Variants in ITPR1 observed in about 807,000 individuals in gnomAD.
ITPR1 encodes the protein inositol 1,4,5-trisphosphate receptor type 1.
A neutral mutation model predicts 318.4 loss-of-function variants in ITPR1; 96 were observed. The ratio of observed to expected loss-of-function variants is 0.30; its 90% CI spans 0.26 to 0.36. The LOEUF (loss-of-function observed/expected upper bound fraction) is 0.36. Among genes scored for constraint, ITPR1 ranks in the 10% least tolerant of loss-of-function variants. The pLI is 1.00. For missense variants in ITPR1, 2,440 were observed against 3,460.2 expected, an observed-to-expected ratio of 0.71 and a Z score of 7.40; for synonymous variants, 1,312 against 1,289.9, an observed-to-expected ratio of 1.02 and a Z score of -0.37.
At chr3:4,763,586 G>T (rs775442668) in intron 44 of ITPR1, among the ~76,000 whole-genome samples, 31 of 152,096 alleles carry the variant, frequency 2.0e-4, no homozygotes, top group Non-Finnish European at 4.1e-4. Flanking sequence ...GTGCTTACTT[G>T]TGTCTTCTAG....
intron 4 of ITPR1, among the ~76,000 whole-genome samples, chr3:4,569,672 T>G (rs1286992923): frequency 2.6e-5 from 4 of 152,212 alleles, no homozygotes; most frequent in Non-Finnish European, 4.4e-5. Context: ...TCTGCAAGCA[T>G]AGGTAACACA....
At chr3:4,513,584 C>T (rs556235330) in intron 2 of ITPR1, among the ~76,000 whole-genome samples, 3 of 152,240 alleles carry the variant, frequency 2.0e-5, no homozygotes, top group African/African-American at 7.2e-5. Flanking sequence ...TCACTTATCT[C>T]GGCCACTTAA....
intron 44 of ITPR1, among the ~76,000 whole-genome samples, chr3:4,754,979 T>A (rs2044844126): frequency 6.6e-6 from 1 of 152,218 alleles, no homozygotes; most frequent in Admixed American, 6.5e-5. Context: ...TGGCATCTGT[T>A]TGACTATTGA....
intron 18 of ITPR1, among the ~76,000 whole-genome samples, chr3:4,669,145 C>T (rs930373867): frequency 3.9e-5 from 6 of 152,070 alleles, no homozygotes; most frequent in Non-Finnish European, 8.8e-5. Flanking sequence ...GAAGCACTTC[C>T]GTTAATTATC....
At chr3:4,643,300 T>A (rs2093379421) in intron 7 of ITPR1, among the ~76,000 whole-genome samples, 1 of 152,236 alleles carries the variant, frequency 6.6e-6, no homozygotes, top group Non-Finnish European at 1.5e-5. Context: ...AGATGGTTTT[T>A]CATGTTAGGA....
In ITPR1 at chr3:4,609,955, A is replaced by T. The variant is rs2091975559; in HGVS notation, c.164-17808A>T. On this transcript the variant is annotated intron_variant, in intron 4 of 61. Coordinates refer to ENST00000649015, the MANE Select transcript of ITPR1 (RefSeq NM_001378452.1). Reference sequence around the variant, plus strand: ...AAAAGGCACTGTTGCGGACTAAGGGATGCCCGGCCCAGATGAGCAAGGGAG... The same window carrying T: ...AAAAGGCACTGTTGCGGACTAAGGGTTGCCCGGCCCAGATGAGCAAGGGAG... Among the ~76,000 whole-genome samples, 3 of 152,144 alleles carry T rather than the reference A, an allele frequency of 2.0e-5. No individual in the cohort carries two copies. The South Asian group carries it at 6.2e-4, about 32-fold the overall frequency.
chr3:4,776,960 G>T (rs2046524374), intron 47 of ITPR1, among the ~76,000 whole-genome samples: 1 of 152,216 alleles, frequency 6.6e-6, no homozygotes, highest in Non-Finnish European at 1.5e-5. Context: ...CCCAGAATCA[G>T]TCATACACCA....
chr3:4,670,609 G>A, intron 19 of ITPR1, 120 bp from the exon 20 acceptor site: 1 of 734,328 alleles, frequency 1.4e-6, no homozygotes, highest in African/African-American at 1.7e-5. Context: ...CTGCGGCTCT[G>A]CCCTTGGGGG....
chr3:4,704,902 C>T (rs896477898), intron 36 of ITPR1, among the ~76,000 whole-genome samples: 6 of 151,952 alleles, frequency 3.9e-5, no homozygotes, highest in East Asian at 3.8e-4. Context: ...CTAGCTGTGA[C>T]GGGTGTACCC....
intron 4 of ITPR1, among the ~76,000 whole-genome samples, chr3:4,547,669 C>A (rs2085155758): frequency 6.6e-6 from 1 of 152,190 alleles, no homozygotes; most frequent in African/African-American, 2.4e-5. Flanking sequence ...GAAAGGTGAT[C>A]TGTTAGGAGT....
chr3:4,665,033 T>A, intron 16 of ITPR1, 105 bp from the exon 17 acceptor site: 1 of 1,220,930 alleles, frequency 8.2e-7, no homozygotes, highest in Non-Finnish European at 1.2e-6. Flanking sequence ...TAGAGAAATT[T>A]TCTAATGTAA....
intron 56 of ITPR1, among the ~76,000 whole-genome samples, chr3:4,812,245 C>T (rs746435779): frequency 1.3e-5 from 2 of 151,990 alleles, no homozygotes; most frequent in Non-Finnish European, 2.9e-5. Context: ...GCCATGTTGC[C>T]CAGGCTGGTC....
rs56024065 is a variant in ITPR1, at chr3:4,681,620, A to C, written c.3161+202A>C. Among the ~76,000 whole-genome samples, 31,958 of 107,134 alleles carry C rather than the reference A, an allele frequency of 0.3. 3,670 individuals carry two copies. Among genetic ancestry groups the C allele is most frequent in the South Asian group, 0.5 (1,729 of 3,446 alleles). The allele number at this position is 107,134 out of a possible 152,430, so 70.3% of individuals were successfully genotyped here. On this transcript the variant is annotated intron_variant, in intron 26 of 61. Coordinates refer to ENST00000649015, the MANE Select transcript of ITPR1 (RefSeq NM_001378452.1). ...GAGAGAGAGTGAGAGAGAGAGAGAG[A>C]GAAAGTGTGTGTGTGTGTGTGTGTG...
chr3:4,539,421 A>G (rs1000192010), intron 4 of ITPR1, among the ~76,000 whole-genome samples: 1 of 152,174 alleles, frequency 6.6e-6, no homozygotes, highest in South Asian at 2.1e-4. Flanking sequence ...AATGTGCTAT[A>G]TATGAGTTTG....
intron 5 of ITPR1, among the ~76,000 whole-genome samples, chr3:4,633,231 C>T (rs58494218): frequency 0.021 from 3,264 of 152,222 alleles, 110 homozygotes; most frequent in African/African-American, 0.069. Flanking sequence ...CCACTGGGCC[C>T]GGCCTCAGGT....
intron 49 of ITPR1, among the ~76,000 whole-genome samples, chr3:4,780,817 A>G (rs145503950): frequency 8.9e-4 from 136 of 152,286 alleles, no homozygotes; most frequent in Non-Finnish European, 2.9e-4. Context: ...TGGAATGACT[A>G]TGCAGGGACC....
At chr3:4,792,991 A>G (rs2047668160) in intron 52 of ITPR1, among the ~76,000 whole-genome samples, 1 of 152,164 alleles carries the variant, frequency 6.6e-6, no homozygotes, top group Non-Finnish European at 1.5e-5. Flanking sequence ...GGCAGAGTAT[A>G]TGGGGAAGGG....
At chr3:4,591,534 A>G (rs1353368124) in intron 4 of ITPR1, among the ~76,000 whole-genome samples, 1 of 152,254 alleles carries the variant, frequency 6.6e-6, no homozygotes, top group Admixed American at 6.5e-5. Flanking sequence ...GATTCAGGAA[A>G]GCATTTCCTT....
intron 61 of ITPR1, among the ~76,000 whole-genome samples, chr3:4,837,221 A>C (rs2050987621): frequency 6.6e-6 from 1 of 152,208 alleles, no homozygotes; most frequent in African/African-American, 2.4e-5. Flanking sequence ...AGACTACTTC[A>C]GTGAAGTACT....
Sources: allele counts gnomAD v4.1 joint callset (sites outside exome capture counted in the v4.1 genomes callset), GRCh38; gene constraint gnomAD v4.1.1; transcripts MANE v1.5; gene names NCBI Gene and HGNC (gene_info 2026-07-23, HGNC 2026-07-21).